The following GAS7 variants were observed in gnomAD, a reference collection of about 807,000 sequenced individuals.
GAS7 encodes growth arrest specific 7.
A neutral mutation model predicts 71.1 loss-of-function variants in GAS7; 28 were observed. The observed-to-expected ratio is 0.39, with a 90% CI of 0.29 to 0.54. The LOEUF (loss-of-function observed/expected upper bound fraction) is 0.54, where lower values mean the gene tolerates loss of function less well. GAS7 is among the 20% of genes least tolerant of loss of function. GAS7 has a pLI of 0.62. For synonymous variants in GAS7, 258 were observed against 245.8 expected (o/e 1.05, Z -0.46); for missense variants, 436 against 627.8 (o/e 0.69, Z 3.27).
intron 11 of GAS7, among the ~76,000 whole-genome samples, chr17:9,920,749 G>C (rs367899629): frequency 6.6e-6 from 1 of 152,242 alleles, no homozygotes. Flanking sequence ...GCTCCAGCAA[G>C]AGGAAGGCAT....
chr17:10,046,797 G>A (rs1215919017), intron 1 of GAS7, among the ~76,000 whole-genome samples: 45 of 82,170 alleles, frequency 5.5e-4, no homozygotes, highest in African/African-American at 2.2e-3. Context: ...AGGAAGGAAG[G>A]AAGGAAGGAA....
At chr17:9,937,284 G>A (rs1448152588) in intron 8 of GAS7, among the ~76,000 whole-genome samples, 2 of 152,240 alleles carry the variant, frequency 1.3e-5, no homozygotes, top group Non-Finnish European at 2.9e-5. Context: ...CTGACTTATG[G>A]AGCTGGACTG....
intron 1 of GAS7, among the ~76,000 whole-genome samples, chr17:10,143,128 G>A (rs2074096031): frequency 6.6e-6 from 1 of 152,194 alleles, no homozygotes; most frequent in African/African-American, 2.4e-5. Context: ...GTTTCAGTGA[G>A]CTGAGATTGT....
intron 1 of GAS7, among the ~76,000 whole-genome samples, chr17:10,115,056 T>C: frequency 6.6e-6 from 1 of 152,168 alleles, no homozygotes; most frequent in South Asian, 2.1e-4. Context: ...GCTGGCTGCC[T>C]CTCTGTGCCA....
chr17:10,051,306 A>C (rs531985512), intron 1 of GAS7, among the ~76,000 whole-genome samples: 2 of 152,302 alleles, frequency 1.3e-5, no homozygotes, highest in East Asian at 3.9e-4. Flanking sequence ...TGTTGCCCGG[A>C]CTTTCCCAAC....
chr17:10,059,697 C>T (rs902131877), intron 1 of GAS7: 1 of 985,176 alleles, frequency 1.0e-6, no homozygotes, highest in African/African-American at 1.7e-5. Flanking sequence ...CTCACCTCAG[C>T]CTTGTGGTGT....
intron 5 of GAS7, among the ~76,000 whole-genome samples, chr17:9,947,462 C>T (rs554765093): frequency 2.0e-5 from 3 of 152,136 alleles, no homozygotes; most frequent in Admixed American, 6.5e-5. Context: ...ATTAGGAAAG[C>T]GGCCGGGCGC....
rs996345218 is a variant in GAS7 at position 10,059,707 on chromosome 17, T to C, written c.184-39810A>G. The C allele has an allele frequency of 3.8e-5, 37 of 985,316 alleles. No homozygotes were observed. The African/African-American group carries it at 5.8e-4, about 15-fold the overall frequency. The allele number at this position is 985,316 out of a possible 1,614,324, so 61.0% of individuals were successfully genotyped here. A position where few individuals can be genotyped will look rare whatever the true frequency, so the allele number is the denominator to read the frequency against. On this transcript the variant is annotated intron_variant, in intron 1 of 13. Transcript: ENST00000432992. The stretch of plus-strand genomic sequence containing the variant: ...TCCAACTCACCTCAGCCTTGTGGTG[T>C]GTCCTTATGCAAATCTGACACGCTG...
At chr17:10,005,084 T>TGTGTGC (rs2071429257) in intron 2 of GAS7, among the ~76,000 whole-genome samples, 10 of 150,280 alleles carry the variant, frequency 6.7e-5, no homozygotes, top group African/African-American at 2.2e-4. Context: ...CATACATGCG[T>TGTGTGC]GTGTGCACGC....
intron 1 of GAS7, among the ~76,000 whole-genome samples, chr17:10,037,365 AT>A (rs2072774420): frequency 6.6e-6 from 1 of 152,200 alleles, no homozygotes; most frequent in South Asian, 2.1e-4. Context: ...GCAGCTGACT[AT>A]TTAGCACTCA....
At chr17:10,141,307 G>T (rs767853006) in intron 1 of GAS7, among the ~76,000 whole-genome samples, 6 of 152,170 alleles carry the variant, frequency 3.9e-5, no homozygotes, top group Non-Finnish European at 7.3e-5. Context: ...ATTTAGCCTA[G>T]CGTGGTGGCG....
At chr17:9,962,270 G>A (rs192186534) in intron 4 of GAS7, among the ~76,000 whole-genome samples, 2 of 117,764 alleles carry the variant, frequency 1.7e-5, no homozygotes, top group Admixed American at 1.7e-4. Flanking sequence ...ACACACACGT[G>A]ACACACACAC....
rs1161216444 is a variant in GAS7 at position 9,914,200 on chromosome 17, T to C, written c.*3028A>G. ...ATTTCATAGCCTCACTGGTTACCCTTGAGCTTCACTTTCCTATTTGCAAAG... is the reference window on the plus strand; with the variant it reads ...ATTTCATAGCCTCACTGGTTACCCTCGAGCTTCACTTTCCTATTTGCAAAG... On this transcript the variant is annotated 3_prime_UTR_variant, in exon 14 of 14. Coordinates refer to ENST00000432992, the MANE Select transcript of GAS7 (RefSeq NM_201433.2). The C allele has an allele frequency of 1.4e-5, 3 of 218,116 alleles. No individual in the cohort carries two copies. Among genetic ancestry groups the C allele is most frequent in the African/African-American group, 4.5e-5 (2 of 44,456 alleles). The allele number at this position is 218,116 out of a possible 1,614,324, so 13.5% of individuals were successfully genotyped here. A position where few individuals can be genotyped will look rare whatever the true frequency, so the allele number is the denominator to read the frequency against.
At position 9,911,093 on chromosome 17, in the gene GAS7, G is replaced by A. The variant is rs140804556; in HGVS notation, c.*6135C>T. The A allele has an allele frequency of 6.5e-3, 1,517 of 233,128 alleles. 7 individuals carry two copies. The highest frequency in any genetic ancestry group is 8.7e-3 in the Non-Finnish European group (1,024 of 117,970). 14.4% of individuals were successfully genotyped at this position (233,128 alleles called of 1,614,324 possible). On this transcript the variant is annotated 3_prime_UTR_variant, in exon 14 of 14. Transcript: ENST00000432992. The surrounding 1 kb of genome is among the most constrained non-coding windows in gnomAD (Gnocchi z 4.0). Reference sequence around the variant, plus strand: ...ACGGAAGGGAAGGGATGCTAAGTTGGGGCCCCTGTCACTAAGGATGGCTGG... The same window carrying A: ...ACGGAAGGGAAGGGATGCTAAGTTGAGGCCCCTGTCACTAAGGATGGCTGG...
intron 1 of GAS7, among the ~76,000 whole-genome samples, chr17:10,140,527 A>G (rs958467624): frequency 6.6e-6 from 1 of 152,130 alleles, no homozygotes; most frequent in Non-Finnish European, 1.5e-5. Flanking sequence ...GTCTATGTCT[A>G]TGTGTGTATA....
At chr17:9,965,759 G>A (rs928082186) in intron 4 of GAS7, among the ~76,000 whole-genome samples, 11 of 152,114 alleles carry the variant, frequency 7.2e-5, no homozygotes, top group East Asian at 3.9e-4. Flanking sequence ...CCCAGTACCT[G>A]GGCCGACTGC....
At chr17:10,078,819 C>T (rs1294264179) in intron 1 of GAS7, among the ~76,000 whole-genome samples, 3 of 152,100 alleles carry the variant, frequency 2.0e-5, no homozygotes, top group Admixed American at 1.3e-4. Context: ...GAGGCCAAGG[C>T]GGGAGGACTG....
intron 1 of GAS7, among the ~76,000 whole-genome samples, chr17:10,077,047 G>A (rs796216234): frequency 2.0e-5 from 3 of 152,226 alleles, no homozygotes; most frequent in African/African-American, 7.2e-5. Context: ...TGTTGCTTTG[G>A]CCACTTCTTT....
At chr17:10,005,168 C>T (rs1407359096) in intron 2 of GAS7, among the ~76,000 whole-genome samples, 114 of 93,288 alleles carry the variant, frequency 1.2e-3, no homozygotes, top group African/African-American at 8.5e-3. Flanking sequence ...TGTGTGCGCA[C>T]GCATGCATGT....
Sources: gnomAD v4.1 joint callset for allele counts (sites outside exome capture counted in the v4.1 genomes callset) on GRCh38, gnomAD v4.1.1 for gene constraint, Gnocchi (gnomAD v3.1) non-coding constraint, MANE v1.5 for transcripts, NCBI Gene and HGNC (gene_info 2026-07-23, HGNC 2026-07-21) for gene names.